Variants in CMIP observed in about 807,000 individuals in gnomAD.
CMIP encodes the protein c-Maf inducing protein.
CMIP carries 13 observed loss-of-function variants against 97.3 expected under a neutral mutation model. The ratio of observed to expected loss-of-function variants is 0.13; its 90% CI spans 0.09 to 0.21. The LOEUF (loss-of-function observed/expected upper bound fraction) is 0.21, where lower values mean the gene tolerates loss of function less well. Among genes scored for constraint, CMIP ranks in the 10% least tolerant of loss-of-function variants. CMIP has a pLI of 1.00. For missense variants in CMIP, 847 were observed against 1,024.9 expected (o/e 0.83, Z 2.37); for synonymous variants, 538 against 436.3 (o/e 1.23, Z -2.91).
At chr16:81,642,327 A>G (rs948336491) in intron 3 of CMIP, among the ~76,000 whole-genome samples, 16 of 152,090 alleles carry the variant, frequency 1.1e-4, no homozygotes, top group African/African-American at 3.9e-4. Context: ...GCCCCTCCAT[A>G]GAGACAGTGC....
At chr16:81,572,998 A>C (rs1449001504) in intron 1 of CMIP, among the ~76,000 whole-genome samples, 1 of 152,220 alleles carries the variant, frequency 6.6e-6, no homozygotes, top group Non-Finnish European at 1.5e-5. Context: ...CAATAATAAA[A>C]TGAAATGACC....
chr16:81,650,307 G>A (rs1173966716), intron 3 of CMIP, among the ~76,000 whole-genome samples: 2 of 152,206 alleles, frequency 1.3e-5, no homozygotes, highest in Non-Finnish European at 2.9e-5. Context: ...TATGAGAAGA[G>A]CTGATCTCTT....
chr16:81,587,392 C>T (rs924413905), intron 1 of CMIP, among the ~76,000 whole-genome samples: 1 of 152,196 alleles, frequency 6.6e-6, no homozygotes, highest in Non-Finnish European at 1.5e-5. Flanking sequence ...ATGAGGCGGT[C>T]AGTCTGTGTC....
At chr16:81,642,625 A>G (rs1348116015) in intron 3 of CMIP, among the ~76,000 whole-genome samples, 1 of 152,238 alleles carries the variant, frequency 6.6e-6, no homozygotes, top group Non-Finnish European at 1.5e-5. Context: ...CCAAGAGTTC[A>G]TCAGCGGATT....
chr16:81,529,548 A>C (rs1361500100), intron 1 of CMIP, among the ~76,000 whole-genome samples: 2 of 152,124 alleles, frequency 1.3e-5, no homozygotes, highest in Non-Finnish European at 2.9e-5. Flanking sequence ...CCAGAAATGG[A>C]ATATGCTGCC....
chr16:81,708,691 A>G (rs1460408757), intron 20 of CMIP, among the ~76,000 whole-genome samples: 1 of 152,204 alleles, frequency 6.6e-6, no homozygotes, highest in African/African-American at 2.4e-5. Flanking sequence ...CAGTCTGGCC[A>G]GACCTTCCCA....
intron 1 of CMIP, among the ~76,000 whole-genome samples, chr16:81,526,332 C>G (rs1053744526): frequency 6.6e-6 from 1 of 152,182 alleles, no homozygotes; most frequent in South Asian, 2.1e-4. Context: ...TGAAATTTAG[C>G]ATTTGTTTCC....
chr16:81,677,294 T>G (rs1357596278), intron 9 of CMIP, among the ~76,000 whole-genome samples: 1 of 152,200 alleles, frequency 6.6e-6, no homozygotes, highest in East Asian at 1.9e-4. Flanking sequence ...AAATCCCATC[T>G]CCGTCGACTC....
At chr16:81,702,029 AC>A (rs1907474901) in intron 16 of CMIP, among the ~76,000 whole-genome samples, 1 of 152,092 alleles carries the variant, frequency 6.6e-6, no homozygotes, top group South Asian at 2.1e-4. Context: ...GACATTGCCC[AC>A]CCTCCCTCCT....
chr16:81,571,555 G>A (rs73596473), intron 1 of CMIP, among the ~76,000 whole-genome samples: 9,288 of 125,726 alleles, frequency 0.074, 603 homozygotes, highest in African/African-American at 0.19. Flanking sequence ...TTTGAGACCA[G>A]TTTGGGCAAC....
At chr16:81,541,571 C>T (rs1444011474) in intron 1 of CMIP, among the ~76,000 whole-genome samples, 1 of 152,184 alleles carries the variant, frequency 6.6e-6, no homozygotes, top group Non-Finnish European at 1.5e-5. Context: ...ACTGGATTTA[C>T]ACAGTTTATT....
chr16:81,566,335 T>C (rs1339463266), intron 1 of CMIP, among the ~76,000 whole-genome samples: 1 of 152,232 alleles, frequency 6.6e-6, no homozygotes. Context: ...ATCGGGTTCC[T>C]TGCTGTTCTT....
intron 20 of CMIP, among the ~76,000 whole-genome samples, chr16:81,708,083 C>T (rs763853017): frequency 6.6e-6 from 1 of 152,238 alleles, no homozygotes; most frequent in Non-Finnish European, 1.5e-5. Context: ...TGCCACAGTC[C>T]CCTTCCGGGG....
chr16:81,607,809 G>GGAATAAAATCACCCAAA, intron 2 of CMIP, 117 bp downstream of exon 2: 1 of 1,171,784 alleles, frequency 8.5e-7, no homozygotes, highest in African/African-American at 1.5e-5. Flanking sequence ...TTTAACTTTG[G>GGAATAAAATCACCCAAA]GTGATTTTAT....
chr16:81,544,225 A>T (rs1044936566), intron 1 of CMIP, among the ~76,000 whole-genome samples: 5 of 152,266 alleles, frequency 3.3e-5, no homozygotes, highest in African/African-American at 1.2e-4. Flanking sequence ...AGTCATGTGC[A>T]CGCATCCCTT....
intron 4 of CMIP, among the ~76,000 whole-genome samples, chr16:81,657,067 A>C (rs989054703): frequency 6.6e-6 from 1 of 152,182 alleles, no homozygotes; most frequent in African/African-American, 2.4e-5. Flanking sequence ...AAAAAATGGA[A>C]ATCCAAAACA....
At chr16:81,685,579 C>G (rs1414618801) in intron 10 of CMIP, among the ~76,000 whole-genome samples, 2 of 152,176 alleles carry the variant, frequency 1.3e-5, no homozygotes, top group South Asian at 4.2e-4. Flanking sequence ...TTGAGATACT[C>G]TGTCACCGAG....
At chr16:81,697,049 G>A (rs1212674340) in intron 14 of CMIP, 1 of 235,646 alleles carries the variant, frequency 4.2e-6, no homozygotes, top group Non-Finnish European at 8.4e-6. Context: ...ACGGGACCAG[G>A]GATTCTGGAA....
At chr16:81,565,970 A>G (rs1033394369) in intron 1 of CMIP, among the ~76,000 whole-genome samples, 3 of 152,098 alleles carry the variant, frequency 2.0e-5, no homozygotes, top group African/African-American at 7.2e-5. Context: ...AGTTTCCCGA[A>G]CACTCATAGC....
Sources: gnomAD v4.1 joint callset for allele counts (sites outside exome capture counted in the v4.1 genomes callset) on GRCh38, gnomAD v4.1.1 for gene constraint, MANE v1.5 for transcripts, NCBI Gene and HGNC (gene_info 2026-07-23, HGNC 2026-07-21) for gene names.